Variants in AVEN observed in about 807,000 individuals in gnomAD.
The protein encoded by AVEN is apoptosis and caspase activation inhibitor.
AVEN carries 41 observed loss-of-function variants against 38.1 expected under a neutral mutation model. The ratio of observed to expected loss-of-function variants is 1.08; its 90% CI spans 0.84 to 1.40. AVEN has a LOEUF of 1.40. Among genes scored for constraint, AVEN ranks in the 40% most tolerant of loss-of-function variants. The pLI is 0.00. For missense variants in AVEN, 605 were observed against 438.8 expected, an observed-to-expected ratio of 1.38 and a Z score of -3.38; for synonymous variants, 206 against 171.8, an observed-to-expected ratio of 1.20 and a Z score of -1.56.
intron 2 of AVEN, among the ~76,000 whole-genome samples, chr15:33,989,650 A>G (rs1378385312): frequency 1.3e-5 from 2 of 152,048 alleles, no homozygotes; most frequent in Admixed American, 6.5e-5. Context: ...CATGTGTTTT[A>G]TTTTAGAAGA....
At chr15:33,865,296 TTCTGCAACATA>T, downstream of AVEN, 1 of 1,022,438 alleles carries the variant, frequency 9.8e-7, no homozygotes, top group African/African-American at 1.6e-5. Flanking sequence ...CTTTTTACAG[TTCTGCAACATA>T]TCTGAAATGT....
At chr15:33,947,984 G>A (rs943764742) in intron 2 of AVEN, among the ~76,000 whole-genome samples, 1 of 152,018 alleles carries the variant, frequency 6.6e-6, no homozygotes, top group Admixed American at 6.6e-5. Flanking sequence ...TTTTCAAACT[G>A]TAAGTGTAAA....
At chr15:33,862,795 GAGAC>G (rs1203145731), downstream of AVEN, among the ~76,000 whole-genome samples, 2 of 152,066 alleles carry the variant, frequency 1.3e-5, no homozygotes. Context: ...ATTTTTAGTA[GAGAC>G]AGGGTTTCAC....
chr15:34,003,153 A>G lies in AVEN; in HGVS notation c.324T>C (p.Asn108=). The G allele has an allele frequency of 6.2e-7, 1 of 1,613,836 alleles. No homozygotes were observed. The highest frequency in any genetic ancestry group is 1.1e-5 in the South Asian group (1 of 91,066). ...TAGAGACAATCTTTCTTTTAGAATAATTTCCCTGTTCATCATTCTCTTCTC... is the reference window on the plus strand; with the variant it reads ...TAGAGACAATCTTTCTTTTAGAATAGTTTCCCTGTTCATCATTCTCTTCTC... The part of the protein sequence containing the change: ...TYGEENDEQG[N]YSKRKIVSNW... The change falls in exon 2 of 6, where the codon AAT becomes AAC. Residue 108 remains asparagine, a synonymous_variant. Coordinates refer to ENST00000306730, the MANE Select transcript of AVEN (RefSeq NM_020371.3).
chr15:33,983,150 G>GTATA (rs1567447418), intron 2 of AVEN, among the ~76,000 whole-genome samples: 1 of 104,138 alleles, frequency 9.6e-6, no homozygotes, highest in African/African-American at 6.5e-5. Context: ...GTGTGTGTGT[G>GTATA]TGTGTGTGTA....
At chr15:33,858,812 C>A (rs1388397040) in exon 12 of AVEN, 2 of 152,214 alleles carry the variant, frequency 1.3e-5, no homozygotes, top group African/African-American at 2.4e-5. Context: ...ATCTGTGTCT[C>A]AGGGACAGGG....
chr15:34,019,357 T>C (rs1172136280), intron 1 of AVEN, among the ~76,000 whole-genome samples: 3 of 152,254 alleles, frequency 2.0e-5, no homozygotes, highest in South Asian at 4.1e-4. Flanking sequence ...TTAAGCTAAG[T>C]GTTATTACAA....
At chr15:33,871,853 G>A (rs973146673) in intron 3 of AVEN, among the ~76,000 whole-genome samples, 2 of 151,408 alleles carry the variant, frequency 1.3e-5, no homozygotes, top group African/African-American at 4.9e-5. Flanking sequence ...GGCTAAAGCT[G>A]AAGAAGGCCT....
chr15:33,876,677 T>A (rs796096891), intron 2 of AVEN, among the ~76,000 whole-genome samples: 1 of 152,174 alleles, frequency 6.6e-6, no homozygotes, highest in South Asian at 2.1e-4. Context: ...GACTTAAACT[T>A]TCTCTTTAGA....
intron 2 of AVEN, among the ~76,000 whole-genome samples, chr15:33,882,399 G>A (rs1190623159): frequency 6.6e-6 from 1 of 152,120 alleles, no homozygotes; most frequent in Non-Finnish European, 1.5e-5. Context: ...CAGCAACAAT[G>A]CTGAAGTTGG....
chr15:33,857,687 A>T, downstream of AVEN: 1 of 1,513,492 alleles, frequency 6.6e-7, no homozygotes. Flanking sequence ...GCCCGTCCTC[A>T]CTCTTCCTCC....
intron 2 of AVEN, among the ~76,000 whole-genome samples, chr15:33,931,835 A>G (rs905468580): frequency 6.6e-6 from 1 of 152,236 alleles, no homozygotes; most frequent in Admixed American, 6.5e-5. Context: ...TCTCACAGCT[A>G]GAAGTATAGT....
chr15:34,053,319 A>AAAATATATATATATAT (rs775436850), intron 5 of AVEN, among the ~76,000 whole-genome samples: 5 of 42,100 alleles, frequency 1.2e-4, no homozygotes, highest in African/African-American at 4.0e-4. Flanking sequence ...AAAAAAAAAA[A>AAAATATATATATATAT]ATATATATAT....
intron 2 of AVEN, among the ~76,000 whole-genome samples, chr15:33,978,726 C>T (rs1896003640): frequency 6.6e-6 from 1 of 151,808 alleles, no homozygotes; most frequent in Admixed American, 6.6e-5. Flanking sequence ...AATTCGTCCC[C>T]AGGCATTTGA....
At chr15:33,885,563 G>GAAT (rs778808556) in intron 2 of AVEN, 1 of 152,144 alleles carries the variant, frequency 6.6e-6, no homozygotes, top group African/African-American at 2.4e-5. Flanking sequence ...ATGAACAAGA[G>GAAT]AATAATAATA....
At chr15:33,943,323 G>T (rs149766717) in intron 2 of AVEN, among the ~76,000 whole-genome samples, 403 of 152,224 alleles carry the variant, frequency 2.6e-3, no homozygotes, top group African/African-American at 9.2e-3. Flanking sequence ...GAACCTTGAG[G>T]ACATTATTAC....
At chr15:34,064,561 G>C in intron 4 of AVEN, 2 of 548,630 alleles carry the variant, frequency 3.6e-6, no homozygotes, top group Non-Finnish European at 6.6e-6. Context: ...TGCCAATGAA[G>C]TAAAGGGATA....
chr15:34,026,114 G>A (rs563035566), intron 1 of AVEN, among the ~76,000 whole-genome samples: 13 of 152,228 alleles, frequency 8.5e-5, no homozygotes, highest in African/African-American at 7.2e-5. Flanking sequence ...CACAGATTAA[G>A]TTTGATATTC....
At chr15:34,025,712 G>GA (rs200928981) in intron 1 of AVEN, among the ~76,000 whole-genome samples, 9 of 151,708 alleles carry the variant, frequency 5.9e-5, no homozygotes, top group Non-Finnish European at 1.3e-4. Flanking sequence ...AGGTTCAGAA[G>GA]AAAAAAAAAT....
Sources: gnomAD v4.1 joint callset for allele counts (sites outside exome capture counted in the v4.1 genomes callset) on GRCh38, gnomAD v4.1.1 for gene constraint, MANE v1.5 for transcripts, NCBI Gene and HGNC (gene_info 2026-07-23, HGNC 2026-07-21) for gene names.